OMA1: variants seen among roughly 807,000 people sequenced by gnomAD.
OMA1 encodes the protein metalloendopeptidase OMA1, mitochondrial.
In OMA1, 38 loss-of-function variants were observed where a neutral mutation model predicts 30.9. That is an observed-to-expected ratio of 1.23 (90% CI 0.95 to 1.61). OMA1 has a LOEUF of 1.61. Ranked by LOEUF, OMA1 falls within the 40% of genes most tolerant of loss-of-function variation. The probability of loss-of-function intolerance (pLI) is 0.00; values close to 1 mark genes in which losing one functional copy is unlikely to be tolerated. For synonymous variants in OMA1, 173 were observed against 121.9 expected, an observed-to-expected ratio of 1.42 and a Z score of -2.76; for missense variants, 461 against 349.2, an observed-to-expected ratio of 1.32 and a Z score of -2.55.
rs572346299 is a variant in OMA1 at position 58,529,913 on chromosome 1, C to A, written c.1140+688G>T. On this transcript the variant is annotated intron_variant, in intron 6 of 8. Transcript: ENST00000371226. ...TATTTTTTTTTGAGATGTAGTCTCA[C>A]TCTGTCGCCCAGGCTGGAGTGCAGT... Among the ~76,000 whole-genome samples the A allele has an allele frequency of 3.3e-5, 5 of 152,130 alleles. No homozygotes were observed. The South Asian group carries it at 1.0e-3, about 32-fold the overall frequency.
rs1423694371 is a variant in OMA1 at position 58,493,944 on chromosome 1, G to C, written c.1365+12116C>G. ...TTAAAGTTCATATGGTACCAAAAAA[G>C]AGCCCTCATTGCCAAGTCAATCCTA... On this transcript the variant is annotated intron_variant, in intron 8 of 8. Transcript: ENST00000371226. Among the ~76,000 whole-genome samples, 3 of 146,196 alleles carry C rather than the reference G, an allele frequency of 2.1e-5. No homozygotes were observed. The East Asian group carries it at 5.8e-4, about 28-fold the overall frequency.
rs1375951436 is a variant in OMA1, at chr1:58,538,866, T to C, written c.429A>G (p.Gln143=). Residue 143 remains glutamine (Q), a synonymous_variant, in exon 2 of 9, where the codon CAA becomes CAG. Transcript: ENST00000371226. ...IRNFHTSPRF[Q]AAPVPLLLMI... ...TCAACAAGAGAGGAACCGGAGCAGCTTGAAACCGTGGAGAAGTATGGAAAT... is the reference window on the plus strand; with the variant it reads ...TCAACAAGAGAGGAACCGGAGCAGCCTGAAACCGTGGAGAAGTATGGAAAT... 8.0e-6 allele frequency: 7 copies of C among 872,504 alleles called. No homozygotes were observed. Among genetic ancestry groups the C allele is most frequent in the South Asian group, 7.8e-5 (6 of 76,492 alleles). 54.0% of individuals were successfully genotyped at this position (872,504 alleles called of 1,614,324 possible). A position where few individuals can be genotyped will look rare whatever the true frequency, so the allele number is the denominator to read the frequency against.
At chr1:58,482,221 C>T (rs555166847) in intron 8 of OMA1, among the ~76,000 whole-genome samples, 2 of 152,098 alleles carry the variant, frequency 1.3e-5, no homozygotes, top group East Asian at 1.9e-4. Flanking sequence ...AGAGGGCTTA[C>T]GTCTCATCCT....
Position 58,539,172 on chromosome 1 carries a change from T to C in OMA1, c.123A>G (p.Val41=). The change falls in exon 2 of 9, where the codon GTA becomes GTG. Residue 41 remains valine, a synonymous_variant. Coordinates refer to ENST00000371226, the MANE Select transcript of OMA1 (RefSeq NM_145243.5). ...LASTSRGCHQ[V]QVNHIVNKYQ... ...ACTTATTTACTATATGGTTAACTTGTACTTGATGACAGCCCCGTGAGGTGG... is the reference window on the plus strand; with the variant it reads ...ACTTATTTACTATATGGTTAACTTGCACTTGATGACAGCCCCGTGAGGTGG... The C allele has an allele frequency of 1.1e-6, 1 of 873,000 alleles. No individual in the cohort carries two copies. Among genetic ancestry groups the C allele is most frequent in the Non-Finnish European group, 2.0e-6 (1 of 501,664 alleles). The allele number at this position is 873,000 out of a possible 1,614,324, so 54.1% of individuals were successfully genotyped here. A position where few individuals can be genotyped will look rare whatever the true frequency, so the allele number is the denominator to read the frequency against.
intron 8 of OMA1, among the ~76,000 whole-genome samples, chr1:58,498,985 T>TA (rs1569896852): frequency 6.6e-6 from 1 of 152,252 alleles, no homozygotes; most frequent in East Asian, 1.9e-4. Context: ...TCTGGAATGA[T>TA]AAAATAATTA....
chr1:58,531,823 C>T (rs1386080924), intron 5 of OMA1, among the ~76,000 whole-genome samples: 4 of 152,078 alleles, frequency 2.6e-5, no homozygotes, highest in Non-Finnish European at 5.9e-5. Flanking sequence ...TTTCTCCTGC[C>T]TCAGCCTCCC....
intron 7 of OMA1, among the ~76,000 whole-genome samples, chr1:58,521,424 T>C (rs551910413): frequency 6.8e-6 from 1 of 148,036 alleles, no homozygotes; most frequent in African/African-American, 2.5e-5. Context: ...CAGAATAAAA[T>C]AATGAAAAAA....
At chr1:58,487,335 T>C (rs1349251316) in intron 8 of OMA1, among the ~76,000 whole-genome samples, 1 of 152,246 alleles carries the variant, frequency 6.6e-6, no homozygotes, top group Non-Finnish European at 1.5e-5. Flanking sequence ...ATGCTGCTCA[T>C]GCATTTGAGG....
chr1:58,499,476 C>CGA (rs1184618214), intron 8 of OMA1, among the ~76,000 whole-genome samples: 24 of 45,344 alleles, frequency 5.3e-4, no homozygotes, highest in East Asian at 1.1e-3. Context: ...CAAAGCCAGA[C>CGA]TATAGATAGA....
At chr1:58,526,418 T>C (rs916691343) in intron 7 of OMA1, among the ~76,000 whole-genome samples, 2 of 152,102 alleles carry the variant, frequency 1.3e-5, no homozygotes, top group Non-Finnish European at 2.9e-5. Flanking sequence ...GAATTTAATA[T>C]GTGAAGTGGC....
At chr1:58,509,611 A>G (rs1347203650) in intron 7 of OMA1, among the ~76,000 whole-genome samples, 1 of 151,586 alleles carries the variant, frequency 6.6e-6, no homozygotes, top group African/African-American at 2.4e-5. Context: ...AAAAAAAAAA[A>G]AGGACTAAGC....
chr1:58,495,591 A>G (rs1229487444), intron 8 of OMA1, among the ~76,000 whole-genome samples: 2 of 151,900 alleles, frequency 1.3e-5, no homozygotes, highest in African/African-American at 4.8e-5. Flanking sequence ...AAAACTGTAT[A>G]TTTTATCTAA....
At chr1:58,485,807 G>C (rs1645567749) in intron 8 of OMA1, among the ~76,000 whole-genome samples, 1 of 151,984 alleles carries the variant, frequency 6.6e-6, no homozygotes, top group Non-Finnish European at 1.5e-5. Context: ...GCACATAACA[G>C]GCACTTAACA....
chr1:58,537,513 AAGG>A (rs1646536513), intron 2 of OMA1, among the ~76,000 whole-genome samples: 1 of 152,024 alleles, frequency 6.6e-6, no homozygotes. Flanking sequence ...AACATCTGAG[AAGG>A]TCCAATTTCT....
chr1:58,528,910 A>G (rs1481964590), intron 6 of OMA1, among the ~76,000 whole-genome samples: 1 of 152,230 alleles, frequency 6.6e-6, no homozygotes, highest in Non-Finnish European at 1.5e-5. Flanking sequence ...GACGAATTAC[A>G]GTGAAGTGGC....
chr1:58,540,563 A>T (rs1646590599), intron 1 of OMA1, among the ~76,000 whole-genome samples: 1 of 151,112 alleles, frequency 6.6e-6, no homozygotes, highest in South Asian at 2.1e-4. Context: ...AAAAGACCTA[A>T]ACTTTTAGAC....
intron 6 of OMA1, among the ~76,000 whole-genome samples, chr1:58,528,454 A>C (rs1646384594): frequency 6.6e-6 from 1 of 152,196 alleles, no homozygotes; most frequent in South Asian, 2.1e-4. Flanking sequence ...TGTGCCAGGT[A>C]CTGTGCTAAG....
At chr1:58,492,388 A>C (rs1645712335) in intron 8 of OMA1, among the ~76,000 whole-genome samples, 1 of 151,324 alleles carries the variant, frequency 6.6e-6, no homozygotes, top group African/African-American at 2.4e-5. Flanking sequence ...TTCAAAAGCT[A>C]GCAGAAGGCA....
At chr1:58,529,711 T>A (rs1172121755) in intron 6 of OMA1, among the ~76,000 whole-genome samples, 1 of 152,118 alleles carries the variant, frequency 6.6e-6, no homozygotes, top group East Asian at 1.9e-4. Context: ...TTCAACCAAT[T>A]TGGATAGAAA....
Sources: allele counts gnomAD v4.1 joint callset (sites outside exome capture counted in the v4.1 genomes callset), GRCh38; gene constraint gnomAD v4.1.1; transcripts MANE v1.5; gene names NCBI Gene and HGNC (gene_info 2026-07-23, HGNC 2026-07-21).